Variants in KLHDC10 observed in about 807,000 individuals in gnomAD.
KLHDC10 encodes the protein kelch domain containing 10.
Under a neutral mutation model 56.1 loss-of-function variants are expected in KLHDC10, and 24 were observed. That is an observed-to-expected ratio of 0.43 (90% CI 0.31 to 0.60). KLHDC10 has a LOEUF of 0.60. KLHDC10 is among the 20% of genes least tolerant of loss of function. The probability of loss-of-function intolerance (pLI) is 0.11; values close to 1 mark genes in which losing one functional copy is unlikely to be tolerated. For synonymous variants in KLHDC10, 188 were observed against 207.1 expected, an observed-to-expected ratio of 0.91 and a Z score of 0.79; for missense variants, 349 against 567.0, an observed-to-expected ratio of 0.62 and a Z score of 3.91.
At chr7:130,105,993 T>C (rs1473739988) in intron 2 of KLHDC10, among the ~76,000 whole-genome samples, 2 of 151,960 alleles carry the variant, frequency 1.3e-5, no homozygotes, top group Non-Finnish European at 2.9e-5. Context: ...CTACTAAAAA[T>C]ACAAAATTAG....
At chr7:130,101,969 T>TA (rs10579051) in intron 2 of KLHDC10, among the ~76,000 whole-genome samples, 29,343 of 73,552 alleles carry the variant, frequency 0.4, 6,553 homozygotes, top group Non-Finnish European at 0.46. Context: ...GACTCCCTCT[T>TA]AAAAAAAAAA....
intron 1 of KLHDC10, among the ~76,000 whole-genome samples, chr7:130,089,749 C>T (rs1290891475): frequency 6.6e-6 from 1 of 152,144 alleles, no homozygotes; most frequent in African/African-American, 2.4e-5. Flanking sequence ...GCAGCGATTC[C>T]AAATACAGTA....
chr7:130,125,675 A>T (rs1796306350), intron 6 of KLHDC10, among the ~76,000 whole-genome samples, 190 bp from the exon 7 acceptor site: 1 of 152,216 alleles, frequency 6.6e-6, no homozygotes, highest in African/African-American at 2.4e-5. Context: ...CTAAGAATAT[A>T]TGTTTACGCA....
In KLHDC10 at chr7:130,070,741, GCA is replaced by G; in HGVS notation, c.99_100del (p.Ser34ArgfsTer23). 7.9e-7 allele frequency: 1 copy of G among 1,262,940 alleles called. No individual in the cohort carries two copies. The highest frequency in any genetic ancestry group is 1.0e-6 in the Non-Finnish European group (1 of 993,848). The allele number at this position is 1,262,940 out of a possible 1,614,324, so 78.2% of individuals were successfully genotyped here. On this transcript the variant is annotated frameshift_variant, in exon 1 of 10. Transcript: ENST00000335420. LOFTEE classifies it high-confidence loss of function. The stretch of plus-strand genomic sequence containing the variant: ...AGCGGGGCCGGCGGGGGCAGTGGGG[GCA>G]GCGGGGGTCGGGGGACTGGCCAGCT...
chr7:130,128,590 A>G (rs1409409172), intron 8 of KLHDC10, among the ~76,000 whole-genome samples: 3 of 152,110 alleles, frequency 2.0e-5, no homozygotes, highest in Non-Finnish European at 4.4e-5. Flanking sequence ...TGAACATTGC[A>G]GTGAAGTGAA....
chr7:130,101,824 G>T (rs1328194187), intron 2 of KLHDC10, among the ~76,000 whole-genome samples: 2 of 151,998 alleles, frequency 1.3e-5, no homozygotes, highest in African/African-American at 2.4e-5. Flanking sequence ...CAAAAAATTA[G>T]CCGGGCGTGG....
rs751208564 is a variant in KLHDC10, at chr7:130,116,541, C to T, written c.350C>T (p.Ser117Leu). The change falls in exon 3 of 10, where the codon TCG becomes TTG. Residue 117 changes from serine (S) to leucine (L), a missense_variant. Ser to Leu is a moderately radical substitution (Grantham distance 145). Transcript: ENST00000335420. This position sits in a 1 kb window ranked among gnomAD's most constrained non-coding sequence, Gnocchi z 4.8. ...GGTTATAACCCAGATTATGATGAAT[C>T]GGGAGGGCCTGATAATGAAGACTAT... ...FGGYNPDYDE[S>L]GGPDNEDYPL... The T allele has an allele frequency of 5.6e-6, 9 of 1,614,060 alleles. No homozygotes were observed. The highest frequency in any genetic ancestry group is 6.8e-6 in the Non-Finnish European group (8 of 1,179,974).
intron 1 of KLHDC10, among the ~76,000 whole-genome samples, chr7:130,086,018 T>C (rs10279425): frequency 0.35 from 53,819 of 151,782 alleles, 10,644 homozygotes; most frequent in Non-Finnish European, 0.44. Context: ...AAATGACAAA[T>C]TGATGTAATT....
At chr7:130,079,713 GCCTGCCTT>G (rs149154599) in intron 1 of KLHDC10, among the ~76,000 whole-genome samples, 31,698 of 144,206 alleles carry the variant, frequency 0.22, 3,878 homozygotes, top group Non-Finnish European at 0.26. Flanking sequence ...TTGCCTGCCT[GCCTGCCTT>G]CCTGCCTTCC....
chr7:130,114,003 G>A (rs1483686023), intron 2 of KLHDC10, among the ~76,000 whole-genome samples: 1 of 152,092 alleles, frequency 6.6e-6, no homozygotes, highest in Admixed American at 6.6e-5. Context: ...TCCAACACCC[G>A]TGCCTTAAAC....
intron 1 of KLHDC10, among the ~76,000 whole-genome samples, chr7:130,080,817 C>T (rs954099793): frequency 5.3e-5 from 8 of 152,052 alleles, no homozygotes; most frequent in African/African-American, 1.4e-4. Flanking sequence ...ATTATTTGTG[C>T]GAATTGACCA....
At chr7:130,102,428 A>T in intron 2 of KLHDC10, among the ~76,000 whole-genome samples, 1 of 152,232 alleles carries the variant, frequency 6.6e-6, no homozygotes, top group East Asian at 1.9e-4. Context: ...CCTATGGTAG[A>T]AACAGAGATA....
intron 2 of KLHDC10, among the ~76,000 whole-genome samples, chr7:130,102,093 C>A (rs1447970376): frequency 6.6e-6 from 1 of 151,374 alleles, no homozygotes; most frequent in East Asian, 1.9e-4. Flanking sequence ...AAGAGGAGCT[C>A]TATCAAGGAT....
At chr7:130,093,771 C>A (rs1795811608) in intron 1 of KLHDC10, among the ~76,000 whole-genome samples, 1 of 152,046 alleles carries the variant, frequency 6.6e-6, no homozygotes, top group Admixed American at 6.6e-5. Flanking sequence ...TCAGTGCCTG[C>A]CTTGATTGAA....
At chr7:130,124,676 C>T in intron 6 of KLHDC10, 141 bp downstream of exon 6, 1 of 559,710 alleles carries the variant, frequency 1.8e-6, no homozygotes, top group Non-Finnish European at 3.3e-6. Context: ...GTGTTGGATG[C>T]ACTTTATAAG....
chr7:130,118,206 C>A (rs962554368), intron 3 of KLHDC10, among the ~76,000 whole-genome samples: 1 of 152,108 alleles, frequency 6.6e-6, no homozygotes, highest in Non-Finnish European at 1.5e-5. Flanking sequence ...AATTAAAAAT[C>A]TGTTGTTTAG....
chr7:130,071,970 G>C (rs571050313), intron 1 of KLHDC10, among the ~76,000 whole-genome samples: 3 of 152,236 alleles, frequency 2.0e-5, no homozygotes, highest in South Asian at 4.1e-4. Context: ...TGCTAGAAAT[G>C]TACATTACCC....
intron 2 of KLHDC10, among the ~76,000 whole-genome samples, chr7:130,107,511 TAAAA>T (rs1466906978): frequency 6.6e-6 from 1 of 151,652 alleles, no homozygotes; most frequent in Admixed American, 6.6e-5. Context: ...TACTTAGAAA[TAAAA>T]AAACAATAAA....
In KLHDC10 at chr7:130,130,855, C is replaced by T. The variant is rs1242387307; in HGVS notation, c.*109C>T. The T allele has an allele frequency of 1.9e-6, 2 of 1,072,556 alleles. No individual in the cohort carries two copies. Among genetic ancestry groups the T allele is most frequent in the Non-Finnish European group, 2.8e-6 (2 of 724,544 alleles). The allele number at this position is 1,072,556 out of a possible 1,614,324, so 66.4% of individuals were successfully genotyped here. A position where few individuals can be genotyped will look rare whatever the true frequency, so the allele number is the denominator to read the frequency against. ...AGAGGATTGGTTACCCTGATCAAGGCCTTATTTAGAAAATACATCAGATGC... is the reference window on the plus strand; with the variant it reads ...AGAGGATTGGTTACCCTGATCAAGGTCTTATTTAGAAAATACATCAGATGC... On this transcript the variant is annotated 3_prime_UTR_variant, in exon 10 of 10. Coordinates refer to ENST00000335420, the MANE Select transcript of KLHDC10 (RefSeq NM_014997.4). This position sits in a 1 kb window ranked among gnomAD's most constrained non-coding sequence, Gnocchi z 4.2.
Sources: allele counts gnomAD v4.1 joint callset (sites outside exome capture counted in the v4.1 genomes callset), GRCh38; gene constraint gnomAD v4.1.1; non-coding constraint Gnocchi (gnomAD v3.1); transcripts MANE v1.5; gene names NCBI Gene and HGNC (gene_info 2026-07-23, HGNC 2026-07-21).